RUNDC3B: variants seen among roughly 807,000 people sequenced by gnomAD.
RUNDC3B encodes the protein RUN domain containing 3B.
Under a neutral mutation model 58.4 loss-of-function variants are expected in RUNDC3B, and 33 were observed. That is an observed-to-expected ratio of 0.56 (90% CI 0.43 to 0.75). RUNDC3B has a LOEUF of 0.75. Among genes scored for constraint, RUNDC3B ranks in the 30% least tolerant of loss-of-function variants. RUNDC3B has a pLI of 0.00. For missense variants in RUNDC3B, 501 were observed against 535.7 expected (o/e 0.94, Z 0.64); for synonymous variants, 193 against 195.2 (o/e 0.99, Z 0.10).
intron 5 of RUNDC3B, among the ~76,000 whole-genome samples, chr7:87,740,499 G>A (rs931984494): frequency 4.6e-5 from 7 of 151,962 alleles, no homozygotes; most frequent in Non-Finnish European, 7.4e-5. Flanking sequence ...TATATTGAAA[G>A]TAAAAGGTTT....
intron 6 of RUNDC3B, among the ~76,000 whole-genome samples, chr7:87,746,684 T>C (rs1412396634): frequency 6.6e-6 from 1 of 152,210 alleles, no homozygotes; most frequent in Non-Finnish European, 1.5e-5. Flanking sequence ...TCCACCCCTT[T>C]ACTTTAAGTT....
At chr7:87,813,597 T>C (rs1836844784) in intron 9 of RUNDC3B, among the ~76,000 whole-genome samples, 1 of 152,118 alleles carries the variant, frequency 6.6e-6, no homozygotes, top group African/African-American at 2.4e-5. Flanking sequence ...CTCCTACCTA[T>C]TGGGCACAAA....
intron 10 of RUNDC3B, among the ~76,000 whole-genome samples, chr7:87,817,106 C>T (rs117892976): frequency 6.6e-6 from 1 of 152,312 alleles, no homozygotes; most frequent in East Asian, 1.9e-4. Context: ...CCTTAAGCCT[C>T]CAATTTTTAC....
intron 2 of RUNDC3B, among the ~76,000 whole-genome samples, chr7:87,699,531 A>C (rs1024654696): frequency 6.6e-6 from 1 of 152,064 alleles, no homozygotes; most frequent in Non-Finnish European, 1.5e-5. Flanking sequence ...AGCCTCTCTC[A>C]AGTAGCTGGG....
At chr7:87,676,865 GAA>G (rs2130560887) in intron 2 of RUNDC3B, among the ~76,000 whole-genome samples, 1 of 152,158 alleles carries the variant, frequency 6.6e-6, no homozygotes, top group Admixed American at 6.5e-5. Context: ...ACTGATATAT[GAA>G]AAGACACTCG....
At chr7:87,772,310 C>T (rs911880327) in intron 7 of RUNDC3B, among the ~76,000 whole-genome samples, 2 of 151,726 alleles carry the variant, frequency 1.3e-5, no homozygotes, top group Non-Finnish European at 2.9e-5. Flanking sequence ...CAGCTACAGG[C>T]CACCACTGAG....
chr7:87,728,541 T>G (rs1361981295), intron 4 of RUNDC3B, among the ~76,000 whole-genome samples: 1 of 152,216 alleles, frequency 6.6e-6, no homozygotes, highest in African/African-American at 2.4e-5. Flanking sequence ...AGAAGATGTA[T>G]GCATTACTTG....
intron 5 of RUNDC3B, 38 bp downstream of exon 5, chr7:87,739,918 A>T (rs565854526): frequency 1.0e-6 from 1 of 975,844 alleles, no homozygotes; most frequent in African/African-American, 1.6e-5. Context: ...AAATTATTCT[A>T]TATCTTAATA....
chr7:87,752,645 T>A (rs1197377904), intron 6 of RUNDC3B, among the ~76,000 whole-genome samples: 1 of 152,222 alleles, frequency 6.6e-6, no homozygotes, highest in Admixed American at 6.5e-5. Context: ...TCTTCTAAAT[T>A]TTCTAGTTTA....
intron 2 of RUNDC3B, among the ~76,000 whole-genome samples, chr7:87,653,606 A>G (rs1036815505): frequency 3.9e-5 from 6 of 152,108 alleles, no homozygotes; most frequent in South Asian, 4.1e-4. Flanking sequence ...GAAAATTCTT[A>G]TGTATATGAA....
At chr7:87,707,785 G>A (rs989171620) in intron 3 of RUNDC3B, among the ~76,000 whole-genome samples, 2 of 152,092 alleles carry the variant, frequency 1.3e-5, no homozygotes, top group African/African-American at 4.8e-5. Context: ...CTGAGCCATA[G>A]TTTATCTCAG....
intron 4 of RUNDC3B, among the ~76,000 whole-genome samples, chr7:87,735,966 A>T (rs11976031): frequency 0.093 from 14,180 of 152,186 alleles, 766 homozygotes; most frequent in African/African-American, 0.15. Context: ...GAATTTAATA[A>T]ATATTTGTTT....
chr7:87,645,534 G>A (rs762596489), intron 1 of RUNDC3B, among the ~76,000 whole-genome samples: 1 of 152,010 alleles, frequency 6.6e-6, no homozygotes, highest in Non-Finnish European at 1.5e-5. Context: ...TAATTTTTAT[G>A]TAAAAGCTGT....
rs1827998822 is a variant in RUNDC3B at position 87,691,364 on chromosome 7, A to C, written c.239-9057A>C. On this transcript the variant is annotated intron_variant, in intron 2 of 10. Coordinates refer to ENST00000394654, the MANE Select transcript of RUNDC3B (RefSeq NM_001134405.2). ...TTCTGCCTTTGCCTGAAATTTCAGA[A>C]ACTTACTCCTGAAATAACTATATGG... 2.6e-5 allele frequency among the ~76,000 whole-genome samples: 4 copies of C among 152,222 alleles called. No individual in the cohort carries two copies. The South Asian group carries it at 8.3e-4, about 32-fold the overall frequency.
intron 8 of RUNDC3B, among the ~76,000 whole-genome samples, chr7:87,788,707 T>C (rs1835360596): frequency 7.0e-6 from 1 of 142,138 alleles, no homozygotes; most frequent in Admixed American, 7.3e-5. Flanking sequence ...TCAAAACTTT[T>C]TTTTTTTTTT....
At chr7:87,734,896 GTC>G (rs894046860) in intron 4 of RUNDC3B, among the ~76,000 whole-genome samples, 21 of 152,028 alleles carry the variant, frequency 1.4e-4, no homozygotes, top group African/African-American at 5.1e-4. Context: ...TAATCGCTCT[GTC>G]TCTTTTTCTG....
chr7:87,712,540 T>TAAA (rs909910776), intron 4 of RUNDC3B, among the ~76,000 whole-genome samples: 173 of 152,172 alleles, frequency 1.1e-3, no homozygotes, highest in African/African-American at 4.0e-3. Context: ...AAATAGAAAT[T>TAAA]AAATAATTAA....
chr7:87,672,548 A>C (rs1395622486), intron 2 of RUNDC3B, among the ~76,000 whole-genome samples: 1 of 152,122 alleles, frequency 6.6e-6, no homozygotes, highest in South Asian at 2.1e-4. Flanking sequence ...AGGGGTATGT[A>C]CAGGGGTCCA....
At chr7:87,638,972 G>C (rs28746502) in intron 1 of RUNDC3B, among the ~76,000 whole-genome samples, 1 of 152,012 alleles carries the variant, frequency 6.6e-6, no homozygotes, top group African/African-American at 2.4e-5. Flanking sequence ...CTAACACGGT[G>C]AAACCCCGTC....
Sources: gnomAD v4.1 joint callset for allele counts (sites outside exome capture counted in the v4.1 genomes callset) on GRCh38, gnomAD v4.1.1 for gene constraint, MANE v1.5 for transcripts, NCBI Gene and HGNC (gene_info 2026-07-23, HGNC 2026-07-21) for gene names.